The following APBB2 variants were observed in gnomAD, a reference collection of about 807,000 sequenced individuals.
APBB2 encodes the protein Fe65-like 1.
Under a neutral mutation model 82.5 loss-of-function variants are expected in APBB2, and 38 were observed. The observed-to-expected ratio is 0.46, with a 90% CI of 0.36 to 0.60. The LOEUF is 0.60. Ranked by LOEUF, APBB2 falls within the 20% of genes least tolerant of loss-of-function variation. The probability of loss-of-function intolerance (pLI) is 0.00; values close to 1 mark genes in which losing one functional copy is unlikely to be tolerated. For missense variants in APBB2, 772 were observed against 972.3 expected, an observed-to-expected ratio of 0.79 and a Z score of 2.74; for synonymous variants, 341 against 368.2, an observed-to-expected ratio of 0.93 and a Z score of 0.85.
chr4:41,072,729 T>C (rs902411365), intron 3 of APBB2, among the ~76,000 whole-genome samples: 1 of 152,212 alleles, frequency 6.6e-6, no homozygotes, highest in African/African-American at 2.4e-5. Flanking sequence ...ACCACTGTTA[T>C]TTAACAAGCA....
intron 1 of APBB2, among the ~76,000 whole-genome samples, chr4:41,151,037 A>C (rs1762139967): frequency 6.6e-6 from 1 of 152,012 alleles, no homozygotes; most frequent in Admixed American, 6.6e-5. Flanking sequence ...ACTGCACCAC[A>C]ACTCTTGGAC....
At position 41,116,615 on chromosome 4, in the gene APBB2, G is replaced by C. The variant is rs114427639; in HGVS notation, c.-260-15865C>G. ...CACTGCTTTCCAACATGGGCGACAAGAGCGAAACTCTGTCTCAAAAAAATA... is the reference window on the plus strand; with the variant it reads ...CACTGCTTTCCAACATGGGCGACAACAGCGAAACTCTGTCTCAAAAAAATA... On this transcript the variant is annotated intron_variant, in intron 2 of 17. Coordinates refer to ENST00000508593, the MANE Select transcript of APBB2 (RefSeq NM_004307.2). Among the ~76,000 whole-genome samples the C allele has an allele frequency of 5.4e-3, 818 of 152,178 alleles. 7 individuals are homozygous for C. The highest frequency in any genetic ancestry group is 0.019 in the African/African-American group (774 of 41,520).
At chr4:40,865,148 ACGCCTGGT>A (rs1220606575) in intron 12 of APBB2, among the ~76,000 whole-genome samples, 1 of 151,970 alleles carries the variant, frequency 6.6e-6, no homozygotes, top group Non-Finnish European at 1.5e-5. Flanking sequence ...GTGAGCCACC[ACGCCTGGT>A]CCTTTCAATT....
rs573015951 is a variant in APBB2, at chr4:41,010,808, C to G, written c.835+2775G>C. Among the ~76,000 whole-genome samples the G allele has an allele frequency of 2.0e-3, 307 of 152,292 alleles. 1 individual carries two copies. Among genetic ancestry groups the G allele is most frequent in the Non-Finnish European group, 3.7e-3 (250 of 68,026 alleles). Reference sequence around the variant, plus strand: ...AAAAGCAAAGCATTCATAAAACAATCTAATTGGAGTAACTTTTTCCTGGTT... The same window carrying G: ...AAAAGCAAAGCATTCATAAAACAATGTAATTGGAGTAACTTTTTCCTGGTT... On this transcript the variant is annotated intron_variant, in intron 6 of 17. Coordinates refer to ENST00000508593, the MANE Select transcript of APBB2 (RefSeq NM_004307.2).
intron 5 of APBB2, among the ~76,000 whole-genome samples, chr4:41,025,944 C>CAAAAAAAAAAAA (rs71198626): frequency 2.9e-5 from 2 of 68,268 alleles, no homozygotes; most frequent in Non-Finnish European, 5.8e-5. Context: ...TCCATCTCCA[C>CAAAAAAAAAAAA]AAAAAAAAAA....
chr4:40,822,209 A>G, intron 16 of APBB2, 159 bp from the exon 17 acceptor site: 1 of 752,920 alleles, frequency 1.3e-6, no homozygotes, highest in Non-Finnish European at 2.2e-6. Flanking sequence ...ATGTCTGAAG[A>G]GGCCATCACT....
At position 40,826,960 on chromosome 4, in the gene APBB2, C is replaced by CA; in HGVS notation, c.1732+171dup. 3.3e-6 allele frequency: 2 copies of CA among 597,672 alleles called. No individual in the cohort carries two copies. The highest frequency in any genetic ancestry group is 6.0e-6 in the Non-Finnish European group (2 of 334,968). The allele number at this position is 597,672 out of a possible 1,614,324, so 37.0% of individuals were successfully genotyped here. A position where few individuals can be genotyped will look rare whatever the true frequency, so the allele number is the denominator to read the frequency against. On this transcript the variant is annotated intron_variant, in intron 14 of 17. Transcript: ENST00000508593. This position sits in a 1 kb window ranked among gnomAD's most constrained non-coding sequence, Gnocchi z 4.5. The stretch of plus-strand genomic sequence containing the variant: ...GGCTTTATGCCTAACCCTAGTGATG[C>CA]AAAATCAACTCTGTGCCTCTGTGAG...
At chr4:40,993,689 T>C (rs1362498784) in intron 6 of APBB2, among the ~76,000 whole-genome samples, 2 of 152,122 alleles carry the variant, frequency 1.3e-5, no homozygotes, top group Non-Finnish European at 2.9e-5. Flanking sequence ...GCCTGGCCAC[T>C]TCTACTTGAT....
At chr4:41,069,789 CCTAA>C (rs1417664691) in intron 3 of APBB2, among the ~76,000 whole-genome samples, 2 of 152,116 alleles carry the variant, frequency 1.3e-5, no homozygotes, top group African/African-American at 2.4e-5. Flanking sequence ...CTTTTCCTAC[CCTAA>C]CTGACTCAAA....
At chr4:40,894,330 C>T (rs577153797) in intron 10 of APBB2, among the ~76,000 whole-genome samples, 5 of 147,050 alleles carry the variant, frequency 3.4e-5, no homozygotes, top group South Asian at 2.1e-4. Flanking sequence ...TATAAGTATA[C>T]GGCTAATGGA....
chr4:41,059,040 G>A (rs2153874647), intron 4 of APBB2, among the ~76,000 whole-genome samples: 1 of 152,140 alleles, frequency 6.6e-6, no homozygotes, highest in East Asian at 1.9e-4. Context: ...CTGAGATCCT[G>A]ATGAACCCTG....
At chr4:41,013,133 C>A (rs7657512) in intron 6 of APBB2, among the ~76,000 whole-genome samples, 94,631 of 152,002 alleles carry the variant, frequency 0.62, 29,732 homozygotes, top group East Asian at 0.71. Flanking sequence ...ACTTTTTATG[C>A]GCTTCACCAT....
intron 12 of APBB2, among the ~76,000 whole-genome samples, chr4:40,838,624 G>A (rs1265566867): frequency 6.6e-6 from 1 of 151,178 alleles, no homozygotes; most frequent in African/African-American, 2.4e-5. Flanking sequence ...CGTGAGCCAC[G>A]CGCCTTGCCA....
At chr4:40,858,399 G>A (rs1761947523) in intron 12 of APBB2, among the ~76,000 whole-genome samples, 1 of 141,170 alleles carries the variant, frequency 7.1e-6, no homozygotes, top group African/African-American at 2.7e-5. Flanking sequence ...AGGTTGCAGT[G>A]AGCCAAGATC....
Position 40,845,588 on chromosome 4 carries a change from CA to C in APBB2, c.1530-15012del, listed in dbSNP as rs71198606. 5.2e-3 allele frequency among the ~76,000 whole-genome samples: 294 copies of C among 56,466 alleles called. 2 individuals carry two copies. Among genetic ancestry groups the C allele is most frequent in the East Asian group, 0.016 (16 of 986 alleles). The allele number at this position is 56,466 out of a possible 152,430, so 37.0% of individuals were successfully genotyped here. ...GAATCCAAATGAAAAGGAAATTCCT[CA>C]AAAAAAAAAAAAAAAAAAAAAAAAA... On this transcript the variant is annotated intron_variant, in intron 12 of 17. Transcript: ENST00000508593.
chr4:40,895,147 C>T (rs1034245757), intron 10 of APBB2, among the ~76,000 whole-genome samples: 1 of 152,022 alleles, frequency 6.6e-6, no homozygotes, highest in Admixed American at 6.5e-5. Context: ...CTGGGCACCT[C>T]GTTCCTGAGC....
intron 12 of APBB2, chr4:40,880,501 T>G: frequency 2.0e-6 from 2 of 985,452 alleles, no homozygotes; most frequent in Non-Finnish European, 2.4e-6. Flanking sequence ...CTGCATAAGT[T>G]CTGGGTTATC....
intron 6 of APBB2, among the ~76,000 whole-genome samples, chr4:40,964,125 C>T (rs932195355): frequency 6.6e-6 from 1 of 151,944 alleles, no homozygotes; most frequent in Non-Finnish European, 1.5e-5. Flanking sequence ...CCATGACTAA[C>T]TCATTTAAAA....
intron 1 of APBB2, among the ~76,000 whole-genome samples, chr4:41,172,543 T>C (rs1487455149): frequency 1.3e-5 from 2 of 152,200 alleles, no homozygotes; most frequent in East Asian, 1.9e-4. Context: ...TCTCCCCCAC[T>C]AGATTAGGAG....
Sources: allele counts gnomAD v4.1 joint callset (sites outside exome capture counted in the v4.1 genomes callset), GRCh38; gene constraint gnomAD v4.1.1; non-coding constraint Gnocchi (gnomAD v3.1); transcripts MANE v1.5; gene names NCBI Gene and HGNC (gene_info 2026-07-23, HGNC 2026-07-21).